NME7: variants seen among roughly 807,000 people sequenced by gnomAD.
NME7 encodes NME/NM23 family member 7.
In NME7, 41 loss-of-function variants were observed where a neutral mutation model predicts 49.1. That is an observed-to-expected ratio of 0.83 (90% CI 0.65 to 1.08). The LOEUF is 1.08. NME7 is among the 50% of genes least tolerant of loss of function. The probability of loss-of-function intolerance (pLI) is 0.00; values close to 1 mark genes in which losing one functional copy is unlikely to be tolerated. For missense variants in NME7, 423 were observed against 463.4 expected, an observed-to-expected ratio of 0.91 and a Z score of 0.80; for synonymous variants, 139 against 150.6, an observed-to-expected ratio of 0.92 and a Z score of 0.56.
At chr1:169,196,472 C>T (rs1389783231) in intron 10 of NME7, among the ~76,000 whole-genome samples, 1 of 152,010 alleles carries the variant, frequency 6.6e-6, no homozygotes, top group Non-Finnish European at 1.5e-5. Flanking sequence ...TTTTTTGTGC[C>T]ATTACTGCAG....
chr1:169,154,927 T>G (rs1399260239), intron 11 of NME7, among the ~76,000 whole-genome samples: 1 of 152,070 alleles, frequency 6.6e-6, no homozygotes, highest in African/African-American at 2.4e-5. Context: ...TTATAAAGGA[T>G]TTTTTCTTTA....
chr1:169,333,609 A>AAT lies in NME7; in HGVS notation c.4-9111_4-9110dup, dbSNP rs539624668. Among the ~76,000 whole-genome samples the AAT allele has an allele frequency of 1.1e-3, 166 of 152,188 alleles. 1 individual carries two copies. Among genetic ancestry groups the AAT allele is most frequent in the African/African-American group, 3.8e-3 (159 of 41,542 alleles). ...ATCAAACTATCTCATGAACCCCATA[A>AAT]ATATATATATCTACTATGTACCCAT... On this transcript the variant is annotated intron_variant, in intron 1 of 11. Transcript: ENST00000367811.
intron 10 of NME7, among the ~76,000 whole-genome samples, chr1:169,220,246 A>G (rs1352986184): frequency 1.3e-5 from 2 of 152,250 alleles, no homozygotes; most frequent in African/African-American, 4.8e-5. Flanking sequence ...TGTGGGTGGA[A>G]GTAGTTTAAC....
At position 169,231,990 on chromosome 1, in the gene NME7, T is replaced by C. The variant is rs552245148; in HGVS notation, c.889-1171A>G. On this transcript the variant is annotated intron_variant, in intron 9 of 11. Coordinates refer to ENST00000367811, the MANE Select transcript of NME7 (RefSeq NM_013330.5). The stretch of plus-strand genomic sequence containing the variant: ...CAAATATGTAGGAAAATACTAACCA[T>C]TACCAGAAGAAAACTCAATAAATAG... Among the ~76,000 whole-genome samples the C allele has an allele frequency of 3.3e-5, 5 of 152,158 alleles. No individual in the cohort carries two copies. The South Asian group carries it at 1.0e-3, about 32-fold the overall frequency.
At chr1:169,303,847 G>A (rs539678918) in intron 4 of NME7, among the ~76,000 whole-genome samples, 1 of 152,200 alleles carries the variant, frequency 6.6e-6, no homozygotes, top group South Asian at 2.1e-4. Context: ...TAAATAAGTT[G>A]CATCAAAAAA....
At chr1:169,175,504 C>CAT (rs1659726001) in intron 10 of NME7, among the ~76,000 whole-genome samples, 1 of 152,092 alleles carries the variant, frequency 6.6e-6, no homozygotes, top group African/African-American at 2.4e-5. Context: ...ATACAAGTGG[C>CAT]AGCACAGTAG....
At chr1:169,247,025 G>T (rs1442004936) in intron 7 of NME7, 1 of 456,228 alleles carries the variant, frequency 2.2e-6, no homozygotes, top group Non-Finnish European at 4.4e-6. Flanking sequence ...TGGGAATGAA[G>T]ATTTCCAGGA....
At chr1:169,320,729 G>C (rs1651821868) in intron 3 of NME7, among the ~76,000 whole-genome samples, 1 of 152,162 alleles carries the variant, frequency 6.6e-6, no homozygotes, top group Non-Finnish European at 1.5e-5. Flanking sequence ...AGAAAATGGT[G>C]AATCAATTTG....
chr1:169,301,676 C>T (rs1650945361), intron 5 of NME7, among the ~76,000 whole-genome samples: 1 of 151,896 alleles, frequency 6.6e-6, no homozygotes, highest in Admixed American at 6.6e-5. Context: ...CTCAAGTGCC[C>T]ATCAGTGGCA....
chr1:169,360,005 G>GA (rs1278163136), intron 1 of NME7, among the ~76,000 whole-genome samples: 10 of 152,104 alleles, frequency 6.6e-5, no homozygotes, highest in South Asian at 4.1e-4. Flanking sequence ...GGCAGTTTTT[G>GA]AAAAAAATGT....
chr1:169,174,492 G>A (rs758401734), intron 10 of NME7, among the ~76,000 whole-genome samples: 2 of 152,172 alleles, frequency 1.3e-5, no homozygotes, highest in African/African-American at 4.8e-5. Flanking sequence ...TTCAGATACA[G>A]TCATGCATTG....
intron 9 of NME7, among the ~76,000 whole-genome samples, chr1:169,231,344 T>C (rs536251414): frequency 2.5e-4 from 38 of 152,246 alleles, no homozygotes; most frequent in African/African-American, 8.9e-4. Flanking sequence ...GGAAACAGAT[T>C]AGGTGAGCTG....
intron 3 of NME7, among the ~76,000 whole-genome samples, chr1:169,311,328 A>AGAATGATG (rs1303890089): frequency 6.7e-6 from 1 of 149,348 alleles, no homozygotes; most frequent in African/African-American, 2.5e-5. Flanking sequence ...TTGAGGCAGG[A>AGAATGATG]GAATGATGTG....
intron 1 of NME7, among the ~76,000 whole-genome samples, chr1:169,364,670 T>C (rs1231000972): frequency 6.6e-6 from 1 of 152,210 alleles, no homozygotes; most frequent in Non-Finnish European, 1.5e-5. Flanking sequence ...ACTGACTCCA[T>C]ATTGCTTCTA....
intron 10 of NME7, among the ~76,000 whole-genome samples, chr1:169,186,382 G>C (rs1180968482): frequency 6.6e-6 from 1 of 152,040 alleles, no homozygotes; most frequent in African/African-American, 2.4e-5. Context: ...TGCTCTGAGG[G>C]GTTTGACTAT....
intron 7 of NME7, chr1:169,284,395 G>C (rs1381602627): frequency 6.6e-6 from 1 of 151,930 alleles, no homozygotes; most frequent in Admixed American, 6.6e-5. Flanking sequence ...GTCTTCTTTT[G>C]AGAAGGGTCT....
intron 10 of NME7, among the ~76,000 whole-genome samples, chr1:169,201,132 G>A (rs1242951517): frequency 6.6e-6 from 1 of 152,114 alleles, no homozygotes; most frequent in Non-Finnish European, 1.5e-5. Flanking sequence ...TTGGCAGGCT[G>A]AGGCAGGAGG....
intron 10 of NME7, among the ~76,000 whole-genome samples, chr1:169,170,654 C>T (rs780853009): frequency 6.6e-6 from 1 of 152,168 alleles, no homozygotes; most frequent in Non-Finnish European, 1.5e-5. Flanking sequence ...GTGGCCCACA[C>T]CTGTAATCCC....
chr1:169,275,478 C>CAAAAAAAAA (rs57449323), intron 7 of NME7, among the ~76,000 whole-genome samples: 2 of 29,874 alleles, frequency 6.7e-5, no homozygotes, highest in African/African-American at 1.9e-4. Flanking sequence ...AACTCCGTCT[C>CAAAAAAAAA]AAAAAAAAAA....
Sources: allele counts gnomAD v4.1 joint callset (sites outside exome capture counted in the v4.1 genomes callset), GRCh38; gene constraint gnomAD v4.1.1; transcripts MANE v1.5; gene names NCBI Gene and HGNC (gene_info 2026-07-23, HGNC 2026-07-21).